The following CERKL variants were observed in gnomAD, a reference collection of about 807,000 sequenced individuals.
CERKL encodes the protein ceramide kinase-like protein.
In CERKL, 61 loss-of-function variants were observed where a neutral mutation model predicts 63.4. That is an observed-to-expected ratio of 0.96 (90% CI 0.78 to 1.19). CERKL has a LOEUF of 1.19. Ranked by LOEUF, CERKL falls within the 50% of genes most tolerant of loss-of-function variation. CERKL has a pLI of 0.00. For missense variants in CERKL, 675 were observed against 655.5 expected (o/e 1.03, Z -0.33); for synonymous variants, 250 against 230.5 (o/e 1.08, Z -0.77).
intron 11 of CERKL, among the ~76,000 whole-genome samples, chr2:181,541,163 C>A (rs1213164166): frequency 2.0e-5 from 3 of 152,044 alleles, no homozygotes; most frequent in Non-Finnish European, 4.4e-5. Flanking sequence ...GTCTTTAGGC[C>A]CTCATCCAAT....
At chr2:181,651,882 CAAG>C (rs1362215330) in intron 1 of CERKL, among the ~76,000 whole-genome samples, 1 of 145,840 alleles carries the variant, frequency 6.9e-6, no homozygotes, top group Admixed American at 6.9e-5. Flanking sequence ...TGTGAAAAAT[CAAG>C]AAAACAATTC....
Position 181,550,397 on chromosome 2 carries a change from C to T in CERKL, c.821-689G>A, listed in dbSNP as rs1002550664. ...CCCACCAGTCCACAGAGGCAAAGAG[C>T]GCCCTAAGTCAGGCCCCTTTAATGT... On this transcript the variant is annotated intron_variant, in intron 5 of 12. Coordinates refer to ENST00000410087, the MANE Select transcript of CERKL (RefSeq NM_201548.5). This position sits in a 1 kb window ranked among gnomAD's most constrained non-coding sequence, Gnocchi z 4.5. 1.8e-4 allele frequency among the ~76,000 whole-genome samples: 28 copies of T among 152,138 alleles called. No homozygotes were observed. The highest frequency in any genetic ancestry group is 1.7e-3 in the Admixed American group (26 of 15,248).
intron 1 of CERKL, among the ~76,000 whole-genome samples, chr2:181,622,408 A>G (rs1191608360): frequency 6.6e-6 from 1 of 152,170 alleles, no homozygotes; most frequent in East Asian, 1.9e-4. Flanking sequence ...TTGCAATCAG[A>G]TATAAAGACC....
intron 2 of CERKL, among the ~76,000 whole-genome samples, chr2:181,582,596 C>A (rs931960178): frequency 1.1e-4 from 16 of 149,490 alleles, no homozygotes; most frequent in Non-Finnish European, 1.6e-4. Context: ...CAGTGGCTGG[C>A]GGGATCTTGG....
intron 2 of CERKL, among the ~76,000 whole-genome samples, chr2:181,591,422 C>A (rs758938280): frequency 6.6e-6 from 1 of 151,882 alleles, no homozygotes; most frequent in Admixed American, 6.6e-5. Context: ...ACAAAGCCAA[C>A]TGTATTTCAA....
chr2:181,654,811 A>G (rs1183723995), intron 1 of CERKL, among the ~76,000 whole-genome samples: 2 of 151,970 alleles, frequency 1.3e-5, no homozygotes, highest in Non-Finnish European at 2.9e-5. Context: ...TGAGATGGAG[A>G]TTCACTCTTG....
chr2:181,581,061 A>G (rs1684486273), intron 2 of CERKL, among the ~76,000 whole-genome samples: 1 of 152,210 alleles, frequency 6.6e-6, no homozygotes, highest in African/African-American at 2.4e-5. Flanking sequence ...TTCTAGACAT[A>G]TAGTCTTCCT....
At chr2:181,642,556 C>T (rs978878200) in intron 1 of CERKL, among the ~76,000 whole-genome samples, 1 of 151,976 alleles carries the variant, frequency 6.6e-6, no homozygotes, top group Non-Finnish European at 1.5e-5. Flanking sequence ...ACTTTCCAGA[C>T]CTTATTTTGA....
intron 2 of CERKL, among the ~76,000 whole-genome samples, chr2:181,585,766 G>A (rs945470345): frequency 2.6e-5 from 4 of 152,088 alleles, no homozygotes; most frequent in Admixed American, 6.5e-5. Flanking sequence ...AATAAACACC[G>A]ACCCTTTTGC....
intron 4 of CERKL, among the ~76,000 whole-genome samples, chr2:181,559,348 C>A (rs923985198): frequency 6.6e-6 from 1 of 152,072 alleles, no homozygotes; most frequent in African/African-American, 2.4e-5. Context: ...GGGGCAGAAT[C>A]CATTAAAATA....
chr2:181,536,868 G>GAACATCTGTT lies in CERKL; in HGVS notation c.*1306_*1315dup. 1 of 432,620 alleles carries GAACATCTGTT rather than the reference G, an allele frequency of 2.3e-6. No individual in the cohort carries two copies. The allele number at this position is 432,620 out of a possible 1,614,324, so 26.8% of individuals were successfully genotyped here. On this transcript the variant is annotated 3_prime_UTR_variant, in exon 13 of 13. Coordinates refer to ENST00000410087, the MANE Select transcript of CERKL (RefSeq NM_201548.5). ...CATAAGAGAGCTGTGGCCGAATTTT[G>GAACATCTGTT]AACATCTGTTATAGGGAGTGATCAA...
intron 3 of CERKL, among the ~76,000 whole-genome samples, chr2:181,567,018 C>A (rs1326821290): frequency 6.6e-6 from 1 of 152,050 alleles, no homozygotes; most frequent in Non-Finnish European, 1.5e-5. Context: ...ATGGTTCAAG[C>A]TTTTCCTACA....
chr2:181,594,873 T>A (rs1361568346), intron 2 of CERKL, among the ~76,000 whole-genome samples: 1 of 152,154 alleles, frequency 6.6e-6, no homozygotes, highest in African/African-American at 2.4e-5. Flanking sequence ...ATAACAAAAT[T>A]CCTGGAGTTA....
In CERKL at chr2:181,656,667, G is replaced by C. The variant is rs1221014537; in HGVS notation, c.238+102C>G. 10 of 1,037,874 alleles carry C rather than the reference G, an allele frequency of 9.6e-6. No homozygotes were observed. The East Asian group carries it at 2.6e-4, about 27-fold the overall frequency. 64.3% of individuals were successfully genotyped at this position (1,037,874 alleles called of 1,614,324 possible). On this transcript the variant is annotated intron_variant, in intron 1 of 12. Transcript: ENST00000410087. ...AGGCGAGCACGGGGAGGGGAGGCGA[G>C]AAAAGGGGAGGGTGGAGCAAAAGCT...
At chr2:181,559,578 C>G (rs1022832561) in intron 4 of CERKL, among the ~76,000 whole-genome samples, 6 of 152,120 alleles carry the variant, frequency 3.9e-5, no homozygotes, top group Admixed American at 3.9e-4. Context: ...ACTCACATCA[C>G]GTGTGAGGCC....
intron 2 of CERKL, among the ~76,000 whole-genome samples, chr2:181,588,286 C>T (rs1202655170): frequency 6.6e-6 from 1 of 152,116 alleles, no homozygotes; most frequent in Non-Finnish European, 1.5e-5. Context: ...CTGGTCACTA[C>T]CATTCTATTC....
intron 11 of CERKL, among the ~76,000 whole-genome samples, chr2:181,540,238 T>C (rs1377553956): frequency 5.3e-5 from 8 of 152,182 alleles, no homozygotes; most frequent in South Asian, 2.1e-4. Context: ...CAAGCAAAAC[T>C]GTTTGACAGT....
chr2:181,548,817 AGCGGT>A lies in CERKL; in HGVS notation c.931_935del (p.Thr311TrpfsTer31). The A allele has an allele frequency of 6.2e-7, 1 of 1,614,082 alleles. No individual in the cohort carries two copies. The highest frequency in any genetic ancestry group is 2.2e-5 in the East Asian group (1 of 44,858). On this transcript the variant is annotated frameshift_variant, in exon 7 of 13. Coordinates refer to ENST00000410087, the MANE Select transcript of CERKL (RefSeq NM_201548.5). LOFTEE classifies it high-confidence loss of function. ...AGAACCCAAAGCGAAGAAGCTTGCCAGCGGTGCTGAAGGTGCAGACGTCGACCAGC... is the reference window on the plus strand; with the variant it reads ...AGAACCCAAAGCGAAGAAGCTTGCCAGCTGAAGGTGCAGACGTCGACCAGC...
At chr2:181,604,689 A>T (rs1310243570) in intron 1 of CERKL, among the ~76,000 whole-genome samples, 1 of 152,214 alleles carries the variant, frequency 6.6e-6, no homozygotes, top group Non-Finnish European at 1.5e-5. Flanking sequence ...CACTAACAGA[A>T]GTGACTTTAT....
Sources: gnomAD v4.1 joint callset for allele counts (sites outside exome capture counted in the v4.1 genomes callset) on GRCh38, gnomAD v4.1.1 for gene constraint, Gnocchi (gnomAD v3.1) non-coding constraint, MANE v1.5 for transcripts, NCBI Gene and HGNC (gene_info 2026-07-23, HGNC 2026-07-21) for gene names.